Variants in KIAA0040 observed in about 807,000 individuals in gnomAD.
The protein encoded by KIAA0040 is uncharacterized protein KIAA0040.
In KIAA0040, 10 loss-of-function variants were observed where a neutral mutation model predicts 7.2. The observed-to-expected ratio is 1.38, with a 90% CI of 0.85 to 2.34. The LOEUF is 2.34. Ranked by LOEUF, KIAA0040 falls within the 30% of genes most tolerant of loss-of-function variation. The pLI is 0.00. For missense variants in KIAA0040, 89 were observed against 108.2 expected, an observed-to-expected ratio of 0.82 and a Z score of 0.79; for synonymous variants, 49 against 40.1, an observed-to-expected ratio of 1.22 and a Z score of -0.84.
At chr1:175,191,512 G>C (rs1677865124) in intron 1 of KIAA0040, among the ~76,000 whole-genome samples, 1 of 152,246 alleles carries the variant, frequency 6.6e-6, no homozygotes, top group Admixed American at 6.5e-5. Context: ...CCAGCACTGG[G>C]TGAAGGGCAG....
At chr1:175,176,784 C>G (rs3766691) in intron 2 of KIAA0040, among the ~76,000 whole-genome samples, 41,883 of 141,888 alleles carry the variant, frequency 0.3, 6,154 homozygotes, top group Admixed American at 0.45. Flanking sequence ...TGCAGATATT[C>G]TTGTCCCTAG....
chr1:175,177,885 T>G (rs920493049), intron 1 of KIAA0040, among the ~76,000 whole-genome samples: 1 of 152,184 alleles, frequency 6.6e-6, no homozygotes, highest in Non-Finnish European at 1.5e-5. Flanking sequence ...AAGCACATAG[T>G]GAATGTAATG....
At chr1:175,184,243 T>A (rs1346051255) in intron 1 of KIAA0040, among the ~76,000 whole-genome samples, 2 of 152,130 alleles carry the variant, frequency 1.3e-5, no homozygotes, top group Non-Finnish European at 2.9e-5. Flanking sequence ...TTTGAAGCAA[T>A]AACAAACCTT....
chr1:175,190,364 G>T (rs1479569389), intron 1 of KIAA0040, among the ~76,000 whole-genome samples: 1 of 152,168 alleles, frequency 6.6e-6, no homozygotes, highest in Non-Finnish European at 1.5e-5. Flanking sequence ...GCTACCACAG[G>T]CCTCTTTAGC....
chr1:175,170,265 G>T lies in KIAA0040; in HGVS notation c.-309-3528C>A, dbSNP rs563183976. 2.0e-5 allele frequency among the ~76,000 whole-genome samples: 3 copies of T among 152,284 alleles called. No individual in the cohort carries two copies. In the South Asian group the frequency reaches 6.2e-4, roughly 32 times the overall value. On this transcript the variant is annotated intron_variant, in intron 2 of 3. Transcript: ENST00000423313. ...TAAGTAAAGCAGGGCTTGAGCTAGG[G>T]GCACTTGGGCCCTGTGGGTATGGAA...
intron 2 of KIAA0040, among the ~76,000 whole-genome samples, 192 bp downstream of exon 2, chr1:175,177,419 G>GCCTAATAGGGCACTAC (rs1677246823): frequency 6.6e-6 from 1 of 152,240 alleles, no homozygotes; most frequent in Admixed American, 6.5e-5. Flanking sequence ...TCCTTGAAGT[G>GCCTAATAGGGCACTAC]CCTAATAGGG....
chr1:175,173,060 G>C (rs1454705616), intron 2 of KIAA0040, among the ~76,000 whole-genome samples: 1 of 152,174 alleles, frequency 6.6e-6, no homozygotes, highest in Non-Finnish European at 1.5e-5. Context: ...AATCAGGGCA[G>C]CCACCTTAGC....
At chr1:175,174,178 T>C (rs1313236261) in intron 2 of KIAA0040, among the ~76,000 whole-genome samples, 1 of 152,192 alleles carries the variant, frequency 6.6e-6, no homozygotes, top group Non-Finnish European at 1.5e-5. Context: ...GTCATCTATG[T>C]AGAGAAGAGC....
rs772921706 is a variant in KIAA0040, at chr1:175,160,816, C to CTTG, written c.195_197dup (p.Asn65dup). Reference sequence around the variant, plus strand: ...TCTTCTTCTTCTTCTTCTTCTTCTTCTTGTTCTTCTCTGGCTGCTGGCCCC... The same window carrying CTTG: ...TCTTCTTCTTCTTCTTCTTCTTCTTCTTGTTGTTCTTCTCTGGCTGCTGGCCCC... On this transcript the variant is annotated inframe_insertion, in exon 4 of 4. Coordinates refer to ENST00000423313, the MANE Select transcript of KIAA0040 (RefSeq NM_014656.3). 22 of 551,824 alleles carry CTTG rather than the reference C, an allele frequency of 4.0e-5. No individual in the cohort carries two copies. The Middle Eastern group carries it at 1.8e-3, about 46-fold the overall frequency. The allele number at this position is 551,824 out of a possible 1,614,324, so 34.2% of individuals were successfully genotyped here.
At chr1:175,171,014 T>A (rs1048063609) in intron 2 of KIAA0040, among the ~76,000 whole-genome samples, 16 of 152,252 alleles carry the variant, frequency 1.1e-4, no homozygotes, top group Admixed American at 9.2e-4. Context: ...CCGCGCCTAC[T>A]ACTGGACCGT....
At chr1:175,191,185 T>C (rs1354582359) in intron 1 of KIAA0040, among the ~76,000 whole-genome samples, 2 of 152,252 alleles carry the variant, frequency 1.3e-5, no homozygotes, top group Non-Finnish European at 2.9e-5. Flanking sequence ...TCCAAGGCCC[T>C]GGTATACTGG....
chr1:175,185,120 C>A (rs994936395), intron 1 of KIAA0040, among the ~76,000 whole-genome samples: 2 of 151,992 alleles, frequency 1.3e-5, no homozygotes. Flanking sequence ...TGATAGGACA[C>A]TGAAATGCAC....
chr1:175,187,388 T>C (rs939798493), intron 1 of KIAA0040, among the ~76,000 whole-genome samples: 2 of 152,156 alleles, frequency 1.3e-5, no homozygotes, highest in Non-Finnish European at 2.9e-5. Context: ...TGTGCATGAG[T>C]GGCTGTCTGG....
At chr1:175,180,406 G>A (rs1677390453) in intron 1 of KIAA0040, among the ~76,000 whole-genome samples, 1 of 152,206 alleles carries the variant, frequency 6.6e-6, no homozygotes. Context: ...CCTAATAAAA[G>A]ATCATGTGCC....
chr1:175,163,702 G>C (rs957675596), intron 3 of KIAA0040, among the ~76,000 whole-genome samples: 6 of 152,222 alleles, frequency 3.9e-5, no homozygotes, highest in African/African-American at 1.4e-4. Context: ...GTTGTGGAAA[G>C]GCTTTGGGTG....
chr1:175,181,781 T>C (rs1418362784), intron 1 of KIAA0040, among the ~76,000 whole-genome samples: 4 of 152,190 alleles, frequency 2.6e-5, no homozygotes, highest in African/African-American at 9.7e-5. Context: ...AGTTGGCACC[T>C]GCAAGGTGCA....
At chr1:175,168,981 T>A (rs1429851230) in intron 2 of KIAA0040, among the ~76,000 whole-genome samples, 3 of 152,154 alleles carry the variant, frequency 2.0e-5, no homozygotes, top group Non-Finnish European at 4.4e-5. Flanking sequence ...CCAAGAGCCC[T>A]GGGGATGGCA....
At chr1:175,178,759 C>A (rs1384261412) in intron 1 of KIAA0040, among the ~76,000 whole-genome samples, 2 of 152,170 alleles carry the variant, frequency 1.3e-5, no homozygotes, top group East Asian at 3.9e-4. Flanking sequence ...ATGATAACAT[C>A]AACTGCCCTC....
chr1:175,179,863 A>T (rs2101900865), intron 1 of KIAA0040, among the ~76,000 whole-genome samples: 2 of 152,334 alleles, frequency 1.3e-5, no homozygotes, highest in Middle Eastern at 6.8e-3. Context: ...GGCCAATGGC[A>T]CACAGGGCTC....
Sources: gnomAD v4.1 joint callset for allele counts (sites outside exome capture counted in the v4.1 genomes callset) on GRCh38, gnomAD v4.1.1 for gene constraint, MANE v1.5 for transcripts, NCBI Gene and HGNC (gene_info 2026-07-23, HGNC 2026-07-21) for gene names.